FNDC3B: variants seen among roughly 807,000 people sequenced by gnomAD.
The protein encoded by FNDC3B is fibronectin type III domain containing 3B.
Under a neutral mutation model 151.5 loss-of-function variants are expected in FNDC3B, and 12 were observed. The ratio of observed to expected loss-of-function variants is 0.08; its 90% CI spans 0.05 to 0.13. The LOEUF is 0.13. Ranked by LOEUF, FNDC3B falls within the 10% of genes least tolerant of loss-of-function variation. The probability of loss-of-function intolerance (pLI) is 1.00; values close to 1 mark genes in which losing one functional copy is unlikely to be tolerated. For missense variants in FNDC3B, 1,214 were observed against 1,505.3 expected, an observed-to-expected ratio of 0.81 and a Z score of 3.20; for synonymous variants, 528 against 549.0, an observed-to-expected ratio of 0.96 and a Z score of 0.54.
intron 3 of FNDC3B, among the ~76,000 whole-genome samples, chr3:172,202,359 A>G (rs1267632322): frequency 2.6e-5 from 4 of 152,242 alleles, no homozygotes; most frequent in African/African-American, 9.6e-5. Flanking sequence ...TTGTGCATGT[A>G]GAAAGAAAAA....
intron 9 of FNDC3B, among the ~76,000 whole-genome samples, chr3:172,306,691 C>A (rs1476292129): frequency 6.6e-6 from 1 of 152,182 alleles, no homozygotes; most frequent in African/African-American, 2.4e-5. Context: ...CTGGAGAAAT[C>A]AAGCACATAT....
chr3:172,182,776 A>G (rs1723980046), intron 3 of FNDC3B, among the ~76,000 whole-genome samples: 1 of 152,178 alleles, frequency 6.6e-6, no homozygotes, highest in African/African-American at 2.4e-5. Flanking sequence ...TTATCATAGG[A>G]TTTGTTTAAT....
At chr3:172,291,197 G>A (rs542924866) in intron 7 of FNDC3B, among the ~76,000 whole-genome samples, 13 of 152,190 alleles carry the variant, frequency 8.5e-5, no homozygotes, top group Middle Eastern at 3.4e-3. Context: ...AGGACAATGC[G>A]GTTTTATAAT....
chr3:172,340,885 T>C (rs1370061443), intron 16 of FNDC3B, among the ~76,000 whole-genome samples: 1 of 152,180 alleles, frequency 6.6e-6, no homozygotes, highest in African/African-American at 2.4e-5. Flanking sequence ...GCAAATGTAA[T>C]TGTGGTGATA....
chr3:172,098,874 C>A (rs1322333135), intron 1 of FNDC3B, among the ~76,000 whole-genome samples: 1 of 152,146 alleles, frequency 6.6e-6, no homozygotes, highest in Non-Finnish European at 1.5e-5. Flanking sequence ...GGCAGAGGTG[C>A]TCTTTGCAAG....
chr3:172,059,211 TAATA>T (rs1717065637), intron 1 of FNDC3B, among the ~76,000 whole-genome samples: 1 of 152,200 alleles, frequency 6.6e-6, no homozygotes, highest in South Asian at 2.1e-4. Flanking sequence ...GCACGTAACA[TAATA>T]CATATTTGGG....
At chr3:172,307,588 G>GACT in intron 10 of FNDC3B, 87 bp downstream of exon 10, 14 of 1,348,422 alleles carry the variant, frequency 1.0e-5, no homozygotes, top group South Asian at 1.3e-5. Context: ...AGCTACCTGG[G>GACT]AGGCTGAGGA....
intron 10 of FNDC3B, 57 bp from the exon 11 acceptor site, chr3:172,310,771 C>T: frequency 7.8e-7 from 1 of 1,288,214 alleles, no homozygotes; most frequent in South Asian, 1.2e-5. Context: ...AGGTGGGTAA[C>T]TCATAAGTTT....
chr3:172,154,546 A>C (rs1158823156), intron 3 of FNDC3B, among the ~76,000 whole-genome samples: 5 of 152,088 alleles, frequency 3.3e-5, no homozygotes, highest in Admixed American at 3.3e-4. Context: ...CTTTGTCTTC[A>C]GTTACTCCCA....
intron 2 of FNDC3B, among the ~76,000 whole-genome samples, chr3:172,125,472 G>T (rs562658755): frequency 6.6e-6 from 1 of 152,276 alleles, no homozygotes; most frequent in East Asian, 1.9e-4. Context: ...GGTAGTAGTA[G>T]GTAGAGATAG....
At chr3:172,309,414 A>G (rs1731352797) in intron 10 of FNDC3B, among the ~76,000 whole-genome samples, 1 of 152,218 alleles carries the variant, frequency 6.6e-6, no homozygotes, top group Non-Finnish European at 1.5e-5. Context: ...GGGGTAGGAT[A>G]TCATCAAAGA....
At chr3:172,226,751 T>C (rs1456304579) in intron 3 of FNDC3B, 120 bp from the exon 4 acceptor site, 1 of 647,780 alleles carries the variant, frequency 1.5e-6, no homozygotes, top group South Asian at 2.0e-5. Context: ...ATACCAACTT[T>C]TGAAGAGCAA....
intron 3 of FNDC3B, among the ~76,000 whole-genome samples, chr3:172,184,656 C>G (rs1026567436): frequency 3.2e-4 from 49 of 152,260 alleles, no homozygotes; most frequent in African/African-American, 1.1e-3. Flanking sequence ...AGTGTGTGAT[C>G]ATCCAGGAGG....
intron 22 of FNDC3B, among the ~76,000 whole-genome samples, chr3:172,358,398 T>A (rs545499232): frequency 2.6e-5 from 4 of 152,250 alleles, no homozygotes; most frequent in African/African-American, 7.2e-5. Context: ...AAGTTCTCAA[T>A]GTGTGTAGTG....
intron 1 of FNDC3B, among the ~76,000 whole-genome samples, chr3:172,054,341 A>G (rs1411221546): frequency 6.6e-6 from 1 of 152,204 alleles, no homozygotes; most frequent in Non-Finnish European, 1.5e-5. Flanking sequence ...CAGACGGCCC[A>G]GGCTAAACCT....
At chr3:172,048,037 A>G (rs1716447189) in intron 1 of FNDC3B, among the ~76,000 whole-genome samples, 1 of 152,190 alleles carries the variant, frequency 6.6e-6, no homozygotes, top group Non-Finnish European at 1.5e-5. Flanking sequence ...CTAAAGCAAG[A>G]TCCTCCTGGG....
At chr3:172,307,292 TG>T (rs1438211955) in intron 9 of FNDC3B, 70 bp from the exon 10 acceptor site, 2 of 1,515,568 alleles carry the variant, frequency 1.3e-6, no homozygotes, top group Non-Finnish European at 1.8e-6. Flanking sequence ...AGCCTTAGGG[TG>T]AAACAAAGAT....
rs1553769247 is a variant in FNDC3B at position 172,174,944 on chromosome 3, C to CG, written c.187+41398_187+41399insG. 2.3e-3 allele frequency among the ~76,000 whole-genome samples: 117 copies of CG among 50,740 alleles called. 18 individuals carry two copies. The highest frequency in any genetic ancestry group is 0.029 in the Middle Eastern group (2 of 70). 33.3% of individuals were successfully genotyped at this position (50,740 alleles called of 152,430 possible). A position where few individuals can be genotyped will look rare whatever the true frequency, so the allele number is the denominator to read the frequency against. On this transcript the variant is annotated intron_variant, in intron 3 of 25. Coordinates refer to ENST00000415807, the MANE Select transcript of FNDC3B (RefSeq NM_022763.4). Reference sequence around the variant, plus strand: ...ACCTTCCCCCCGCCACCCCCCCCCCCCCAATACAATTTGCTGTCCATCCGG... The same window carrying CG: ...ACCTTCCCCCCGCCACCCCCCCCCCCGCCAATACAATTTGCTGTCCATCCGG...
chr3:172,335,858 AAG>A (rs1732937555), intron 15 of FNDC3B: 2 of 152,296 alleles, frequency 1.3e-5, no homozygotes, highest in South Asian at 4.1e-4. Flanking sequence ...CAAGTAATAT[AAG>A]GGGAATTTAA....
Sources: gnomAD v4.1 joint callset for allele counts (sites outside exome capture counted in the v4.1 genomes callset) on GRCh38, gnomAD v4.1.1 for gene constraint, MANE v1.5 for transcripts, NCBI Gene and HGNC (gene_info 2026-07-23, HGNC 2026-07-21) for gene names.